The following NHSL3 variants were observed in gnomAD, a reference collection of about 807,000 sequenced individuals.
NHSL3 encodes NHS like 3.
chr1:32,744,870 A>G, the NHSL3 span, among the ~76,000 whole-genome samples: 3 of 152,172 alleles, frequency 2.0e-5, no homozygotes, highest in Non-Finnish European at 4.4e-5. Context: ...TCATGCCTGT[A>G]ATCCTAGTAT....
the NHSL3 span, among the ~76,000 whole-genome samples, chr1:32,760,246 C>T: frequency 6.6e-6 from 1 of 152,260 alleles, no homozygotes; most frequent in East Asian, 1.9e-4. Context: ...GACAGCTGTG[C>T]CCTCCCCCTT....
chr1:32,770,312 G>A, the NHSL3 span: 1 of 1,612,482 alleles, frequency 6.2e-7, no homozygotes, highest in South Asian at 1.1e-5. This position sits in a 1 kb window ranked among gnomAD's most constrained non-coding sequence, Gnocchi z 8.3. Flanking sequence ...CGCACACTAA[G>A]CCGCTGCAGC....
chr1:32,743,860 G>C, the NHSL3 span, among the ~76,000 whole-genome samples: 1 of 152,156 alleles, frequency 6.6e-6, no homozygotes, highest in African/African-American at 2.4e-5. Flanking sequence ...CACGTGCATG[G>C]GTAACACCTC....
the NHSL3 span, chr1:32,774,035 G>T: frequency 1.3e-5 from 2 of 152,654 alleles, no homozygotes; most frequent in African/African-American, 4.8e-5. Context: ...CTGGGTGGTG[G>T]TCCCCTAGGT....
At chr1:32,760,299 C>T in the NHSL3 span, among the ~76,000 whole-genome samples, 3 of 152,208 alleles carry the variant, frequency 2.0e-5, no homozygotes, top group Non-Finnish European at 4.4e-5. Context: ...TGTGGGCGCG[C>T]CACCACCCCC....
the NHSL3 span, among the ~76,000 whole-genome samples, chr1:32,760,272 A>C: frequency 6.6e-6 from 1 of 152,168 alleles, no homozygotes; most frequent in East Asian, 1.9e-4. Context: ...CTCTCCCCTG[A>C]GTCAGGCCTG....
the NHSL3 span, among the ~76,000 whole-genome samples, chr1:32,757,544 G>A: frequency 6.6e-6 from 1 of 152,120 alleles, no homozygotes; most frequent in African/African-American, 2.4e-5. Flanking sequence ...TTGAGAGTAA[G>A]GGCCAGAGGG....
chr1:32,770,540 C>G, the NHSL3 span: 3 of 1,533,710 alleles, frequency 2.0e-6, no homozygotes, highest in East Asian at 2.3e-5. This position sits in a 1 kb window ranked among gnomAD's most constrained non-coding sequence, Gnocchi z 8.3. Context: ...GTGGTACCCC[C>G]TCCCCAGGGA....
At chr1:32,752,335 G>A in the NHSL3 span, among the ~76,000 whole-genome samples, 1 of 152,144 alleles carries the variant, frequency 6.6e-6, no homozygotes, top group Non-Finnish European at 1.5e-5. Flanking sequence ...GAGGTAGCAC[G>A]GTATAGTGGA....
chr1:32,749,522 G>A, the NHSL3 span, among the ~76,000 whole-genome samples: 2 of 152,124 alleles, frequency 1.3e-5, no homozygotes, highest in South Asian at 2.1e-4. Flanking sequence ...GCTGAGGCCC[G>A]GAGGAGGAAG....
the NHSL3 span, among the ~76,000 whole-genome samples, chr1:32,760,392 C>T: frequency 3.7e-4 from 57 of 152,324 alleles, no homozygotes; most frequent in African/African-American, 1.2e-3. Context: ...TGCGCGTGGC[C>T]TTGGGAGGCA....
the NHSL3 span, among the ~76,000 whole-genome samples, chr1:32,752,936 CACACACACACACACAT>C: frequency 3.3e-4 from 3 of 9,178 alleles, 1 homozygote; most frequent in African/African-American, 6.8e-4. Flanking sequence ...CACACACACA[CACACACACACACACAT>C]ATATATATAT....
the NHSL3 span, among the ~76,000 whole-genome samples, chr1:32,746,209 C>T: frequency 8.6e-4 from 118 of 136,604 alleles, 1 homozygote; most frequent in East Asian, 0.022. Flanking sequence ...CTAGCCTGGG[C>T]GACAGAGCGA....
chr1:32,768,744 C>T, the NHSL3 span: 33 of 1,613,916 alleles, frequency 2.0e-5, no homozygotes, highest in South Asian at 2.3e-4. Flanking sequence ...AGGACGCGCT[C>T]TCCATCCGCT....
chr1:32,752,941 A>ACG, the NHSL3 span, among the ~76,000 whole-genome samples: 1 of 5,624 alleles, frequency 1.8e-4, no homozygotes, highest in Non-Finnish European at 5.3e-4. Flanking sequence ...ACACACACAC[A>ACG]CACACACACA....
chr1:32,742,963 G>T, the NHSL3 span, among the ~76,000 whole-genome samples: 1 of 152,188 alleles, frequency 6.6e-6, no homozygotes, highest in Non-Finnish European at 1.5e-5. Flanking sequence ...CTAATTCTCA[G>T]TCTTTCTGAA....
the NHSL3 span, among the ~76,000 whole-genome samples, chr1:32,745,758 C>G: frequency 4.2e-3 from 632 of 152,168 alleles, 6 homozygotes; most frequent in Middle Eastern, 0.014. Context: ...AACTGTGGAG[C>G]ATGGTGCAGC....
chr1:32,755,315 G>A, the NHSL3 span, among the ~76,000 whole-genome samples: 1 of 152,232 alleles, frequency 6.6e-6, no homozygotes, highest in Non-Finnish European at 1.5e-5. Context: ...AAATCCCAGA[G>A]GAGGTGGAGT....
chr1:32,765,225 C>G, the NHSL3 span, among the ~76,000 whole-genome samples: 1 of 152,204 alleles, frequency 6.6e-6, no homozygotes, highest in East Asian at 1.9e-4. Context: ...TGGCCCCTGC[C>G]CCTCTGGGGG....
Sources: allele counts gnomAD v4.1 joint callset (sites outside exome capture counted in the v4.1 genomes callset), GRCh38; gene constraint gnomAD v4.1.1; non-coding constraint Gnocchi (gnomAD v3.1); transcripts MANE v1.5; gene names NCBI Gene and HGNC (gene_info 2026-07-23, HGNC 2026-07-21).